Variants in DOCK8 observed in about 807,000 individuals in gnomAD.
DOCK8 encodes the protein dedicator of cytokinesis protein 8.
DOCK8 carries 141 observed loss-of-function variants against 245.6 expected under a neutral mutation model. That is an observed-to-expected ratio of 0.57 (90% CI 0.50 to 0.66). DOCK8 has a LOEUF of 0.66. DOCK8 is among the 30% of genes least tolerant of loss of function. The probability of loss-of-function intolerance (pLI) is 0.00; values close to 1 mark genes in which losing one functional copy is unlikely to be tolerated. For synonymous variants in DOCK8, 1,168 were observed against 970.2 expected, an observed-to-expected ratio of 1.20 and a Z score of -3.79; for missense variants, 2,965 against 2,603.4, an observed-to-expected ratio of 1.14 and a Z score of -3.02.
intron 1 of DOCK8, among the ~76,000 whole-genome samples, chr9:266,252 A>G (rs1248420875): frequency 2.6e-5 from 4 of 152,124 alleles, no homozygotes; most frequent in Non-Finnish European, 5.9e-5. Context: ...AATACTTACC[A>G]TATTATATTG....
upstream of DOCK8, among the ~76,000 whole-genome samples, chr9:211,438 CA>C (rs1325310557): frequency 1.3e-5 from 2 of 151,434 alleles, no homozygotes; most frequent in African/African-American, 4.9e-5. Context: ...TATGGTGAAA[CA>C]GGTATTTTAG....
chr9:242,078 A>T (rs1219732463), intron 1 of DOCK8, among the ~76,000 whole-genome samples: 1 of 152,230 alleles, frequency 6.6e-6, no homozygotes, highest in Non-Finnish European at 1.5e-5. Context: ...GTGTTGGTAC[A>T]TGCGATCTGC....
At chr9:395,150 G>A (rs1400181326) in intron 24 of DOCK8, among the ~76,000 whole-genome samples, 1 of 152,120 alleles carries the variant, frequency 6.6e-6, no homozygotes, top group Non-Finnish European at 1.5e-5. Flanking sequence ...CTTCTCACCA[G>A]GTGCATGCGG....
chr9:218,334 G>A (rs1002992559), intron 1 of DOCK8, among the ~76,000 whole-genome samples: 14 of 152,166 alleles, frequency 9.2e-5, no homozygotes, highest in Admixed American at 5.2e-4. Context: ...TTTGTAAAGC[G>A]TTCAGTTCTG....
intron 2 of DOCK8, among the ~76,000 whole-genome samples, chr9:277,754 A>C (rs2048417723): frequency 6.6e-6 from 1 of 152,190 alleles, no homozygotes; most frequent in Non-Finnish European, 1.5e-5. Flanking sequence ...GCTCTGACTG[A>C]AGAAAAGGAT....
At chr9:441,537 C>G in intron 41 of DOCK8, 120 bp downstream of exon 41, 3 of 1,475,114 alleles carry the variant, frequency 2.0e-6, no homozygotes, top group South Asian at 1.2e-5. Flanking sequence ...TGCTTTTGCT[C>G]TCACCTGTCA....
intron 2 of DOCK8, among the ~76,000 whole-genome samples, chr9:281,102 C>T (rs637666): frequency 0.93 from 141,303 of 152,246 alleles, 65,677 homozygotes; most frequent in African/African-American, 0.98. Context: ...AAAATGACAA[C>T]AATTAGCCAG....
intron 2 of DOCK8, among the ~76,000 whole-genome samples, chr9:281,642 TG>T (rs1443421304): frequency 8.3e-5 from 1 of 12,062 alleles, no homozygotes; most frequent in African/African-American, 2.6e-4. Context: ...TTTGTGTGCC[TG>T]TGTGTGTGTG....
At chr9:279,449 T>A (rs1488974268) in intron 2 of DOCK8, among the ~76,000 whole-genome samples, 1 of 152,180 alleles carries the variant, frequency 6.6e-6, no homozygotes, top group African/African-American at 2.4e-5. Context: ...GATTTAGAAT[T>A]GAACTCCAGG....
chr9:218,517 G>A (rs569180345), intron 1 of DOCK8, among the ~76,000 whole-genome samples: 8 of 152,162 alleles, frequency 5.3e-5, no homozygotes, highest in African/African-American at 1.7e-4. Context: ...TAACATTTGC[G>A]TTTGGGATTT....
intron 14 of DOCK8, among the ~76,000 whole-genome samples, chr9:348,193 T>C (rs1042911098): frequency 6.6e-6 from 1 of 152,184 alleles, no homozygotes; most frequent in Admixed American, 6.5e-5. Context: ...TCCCTTAATG[T>C]AGCTAAAGAT....
intron 4 of DOCK8, among the ~76,000 whole-genome samples, chr9:291,109 T>G (rs1277331746): frequency 6.6e-6 from 1 of 152,172 alleles, no homozygotes; most frequent in African/African-American, 2.4e-5. Context: ...AATGCTATCA[T>G]TAGAGGTACT....
In DOCK8 at chr9:390,582, G is replaced by C; in HGVS notation, c.2970+16G>C. The C allele has an allele frequency of 6.2e-7, 1 of 1,609,940 alleles. No individual in the cohort carries two copies. The highest frequency in any genetic ancestry group is 1.7e-4 in the Middle Eastern group (1 of 6,054). The stretch of plus-strand genomic sequence containing the variant: ...TGAGCTTCTGGTGAGATTCTTGCGC[G>C]TTTGTATCTGTGCTCAATAGGCCAA... On this transcript the variant is annotated intron_variant, in intron 24 of 47. Transcript: ENST00000432829.
intron 46 of DOCK8, among the ~76,000 whole-genome samples, chr9:461,086 T>C (rs1322152081): frequency 1.3e-5 from 2 of 152,238 alleles, no homozygotes; most frequent in Non-Finnish European, 2.9e-5. Flanking sequence ...AACGTGATTT[T>C]CTTCTTTGGT....
At position 239,244 on chromosome 9, in the gene DOCK8, A is replaced by T. The variant is rs537767355; in HGVS notation, c.53+24215A>T. ...ACACACGTGCATGCACACACTGCAC[A>T]CACTTAATGCTAAACTTGAAAGAGA... On this transcript the variant is annotated intron_variant, in intron 1 of 47. Coordinates refer to ENST00000432829, the MANE Select transcript of DOCK8 (RefSeq NM_203447.4). Among the ~76,000 whole-genome samples, 87 of 152,350 alleles carry T rather than the reference A, an allele frequency of 5.7e-4. No individual in the cohort carries two copies. The highest frequency in any genetic ancestry group is 1.2e-3 in the Non-Finnish European group (80 of 68,036).
intron 25 of DOCK8, among the ~76,000 whole-genome samples, chr9:398,774 A>G (rs1388984648): frequency 6.6e-6 from 1 of 151,784 alleles, no homozygotes; most frequent in Non-Finnish European, 1.5e-5. Flanking sequence ...AACAGTAAGT[A>G]TTTTTCAAGT....
chr9:312,218 C>G, intron 6 of DOCK8, 52 bp downstream of exon 6: 1 of 1,588,204 alleles, frequency 6.3e-7, no homozygotes, highest in Non-Finnish European at 8.6e-7. Flanking sequence ...CTCTGAGAGT[C>G]ATGTGGACAA....
intron 34 of DOCK8, 102 bp from the exon 35 acceptor site, chr9:428,260 C>T (rs988281049): frequency 2.1e-4 from 329 of 1,583,874 alleles, no homozygotes; most frequent in Non-Finnish European, 2.8e-4. Context: ...TAAGACTCAC[C>T]ACTGGACATG....
chr9:387,335 C>T (rs980623928), intron 23 of DOCK8, among the ~76,000 whole-genome samples: 1 of 151,310 alleles, frequency 6.6e-6, no homozygotes, highest in African/African-American at 2.4e-5. Flanking sequence ...CTCAGCTACT[C>T]AGGAGGCTGA....
Sources: gnomAD v4.1 joint callset for allele counts (sites outside exome capture counted in the v4.1 genomes callset) on GRCh38, gnomAD v4.1.1 for gene constraint, MANE v1.5 for transcripts, NCBI Gene and HGNC (gene_info 2026-07-23, HGNC 2026-07-21) for gene names.